The following TRIM44 variants were observed in gnomAD, a reference collection of about 807,000 sequenced individuals.
The protein encoded by TRIM44 is tripartite motif-containing protein 44.
TRIM44 carries 13 observed loss-of-function variants against 37.4 expected under a neutral mutation model. The observed-to-expected ratio is 0.35, with a 90% CI of 0.23 to 0.55. The LOEUF is 0.55. TRIM44 is among the 20% of genes least tolerant of loss of function. The pLI, the probability that TRIM44 is intolerant of heterozygous loss-of-function variation, is 0.89. For missense variants in TRIM44, 426 were observed against 437.2 expected, an observed-to-expected ratio of 0.97 and a Z score of 0.23; for synonymous variants, 175 against 157.2, an observed-to-expected ratio of 1.11 and a Z score of -0.85.
rs1851301945 is a variant in TRIM44, at chr11:35,663,670, A to G, written c.559A>G (p.Ser187Gly). 6.2e-7 allele frequency: 1 copy of G among 1,614,050 alleles called. No individual in the cohort carries two copies. The highest frequency in any genetic ancestry group is 1.1e-5 in the South Asian group (1 of 91,086). The part of the protein sequence containing the change: ...RKCPDHGLDL[S>G]TYCQEDRQLI... ...GTGTCCGGACCATGGGCTTGATTTG[A>G]GTACCTATTGCCAGGAAGATAGGCA... Residue 187 changes from serine (S) to glycine (G), a missense_variant, in exon 1 of 5, where the codon AGT (serine) becomes GGT (glycine). By Grantham distance (56) the Ser-to-Gly change is moderately conservative (BLOSUM62 0). This residue lies in a region of TRIM44 where 331 missense variants were observed against 303.0 expected (regional missense o/e 1.09). Coordinates refer to ENST00000299413, the MANE Select transcript of TRIM44 (RefSeq NM_017583.6).
At chr11:35,740,343 T>G (rs926151537) in intron 4 of TRIM44, among the ~76,000 whole-genome samples, 1 of 152,060 alleles carries the variant, frequency 6.6e-6, no homozygotes, top group Non-Finnish European at 1.5e-5. Flanking sequence ...AAAGCTGTTG[T>G]GTAGTGGTAG....
intron 1 of TRIM44, among the ~76,000 whole-genome samples, chr11:35,665,684 T>A (rs1054210546): frequency 3.6e-5 from 5 of 137,888 alleles, no homozygotes; most frequent in African/African-American, 1.1e-4. Context: ...AACCTGCGCC[T>A]CCCAGGTTCA....
chr11:35,768,352 T>C lies in TRIM44; in HGVS notation c.1007+32907T>C, dbSNP rs1026996470. On this transcript the variant is annotated intron_variant, in intron 4 of 4. Transcript: ENST00000299413. ...CACTTTGAAAATAAGTAAAAGAAGC[T>C]AAATAATTTGTTGAAGGTCACACAG... 2.0e-5 allele frequency among the ~76,000 whole-genome samples: 3 copies of C among 152,190 alleles called. No homozygotes were observed. In the South Asian group the frequency reaches 6.2e-4, roughly 32 times the overall value.
At chr11:35,672,250 T>G (rs1383548016) in intron 1 of TRIM44, among the ~76,000 whole-genome samples, 1 of 152,162 alleles carries the variant, frequency 6.6e-6, no homozygotes, top group Admixed American at 6.5e-5. Flanking sequence ...ACACATACCC[T>G]TTTAACTCAA....
chr11:35,688,670 A>G lies in TRIM44; in HGVS notation c.747+3334A>G, dbSNP rs192517920. On this transcript the variant is annotated intron_variant, in intron 2 of 4. Transcript: ENST00000299413. ...ATTTTATTCAAAACATTTGTCAGAC[A>G]TCTTCTTTTCTTCCAGACCCAGAGG... 6.4e-4 allele frequency among the ~76,000 whole-genome samples: 97 copies of G among 152,348 alleles called. 3 individuals carry two copies. The East Asian group carries it at 0.017, about 27-fold the overall frequency.
chr11:35,778,508 T>C (rs552116866), intron 4 of TRIM44, among the ~76,000 whole-genome samples: 1 of 152,296 alleles, frequency 6.6e-6, no homozygotes, highest in South Asian at 2.1e-4. Context: ...TGCTGGCAAG[T>C]AGCTGCGTTC....
At chr11:35,788,031 C>A (rs1420663049) in intron 4 of TRIM44, among the ~76,000 whole-genome samples, 2 of 152,338 alleles carry the variant, frequency 1.3e-5, no homozygotes, top group East Asian at 3.9e-4. Flanking sequence ...TAGGCTACTT[C>A]TAACTCACCT....
intron 2 of TRIM44, among the ~76,000 whole-genome samples, chr11:35,716,720 C>T (rs1284803787): frequency 6.6e-6 from 1 of 151,952 alleles, no homozygotes; most frequent in East Asian, 1.9e-4. Context: ...TAAATCATGG[C>T]GTCATTAAGG....
chr11:35,775,485 G>T (rs958302830), intron 4 of TRIM44, among the ~76,000 whole-genome samples: 1 of 152,132 alleles, frequency 6.6e-6, no homozygotes, highest in Admixed American at 6.5e-5. Context: ...TAATTGCCCT[G>T]GCCAGAACTT....
chr11:35,729,082 A>G (rs1852220542), intron 3 of TRIM44, among the ~76,000 whole-genome samples: 1 of 152,210 alleles, frequency 6.6e-6, no homozygotes, highest in African/African-American at 2.4e-5. Context: ...TTGAGAGGAT[A>G]CAAGGCAGTG....
chr11:35,728,178 T>C (rs1328768755), intron 3 of TRIM44, among the ~76,000 whole-genome samples: 1 of 152,084 alleles, frequency 6.6e-6, no homozygotes, highest in Admixed American at 6.6e-5. Flanking sequence ...ATAGAAAAAT[T>C]AGCTGGGTAT....
intron 2 of TRIM44, among the ~76,000 whole-genome samples, chr11:35,707,385 A>C (rs1170577680): frequency 6.6e-6 from 1 of 152,140 alleles, no homozygotes; most frequent in Admixed American, 6.5e-5. Flanking sequence ...GCTACCAATG[A>C]CTTTCTTCAC....
chr11:35,662,957 C>A lies in TRIM44; in HGVS notation c.-155C>A. 1 of 1,291,310 alleles carries A rather than the reference C, an allele frequency of 7.7e-7. No individual in the cohort carries two copies. The highest frequency in any genetic ancestry group is 1.0e-6 in the Non-Finnish European group (1 of 1,000,236). The allele number at this position is 1,291,310 out of a possible 1,614,324, so 80.0% of individuals were successfully genotyped here. ...TGCTGCTGCGCCCGGGCAGGGGCTG[C>A]CGCGGCCCCAGGTCCCGCTTCGAGA... On this transcript the variant is annotated 5_prime_UTR_variant, in exon 1 of 5. Transcript: ENST00000299413.
chr11:35,780,201 A>G (rs1448211865), intron 4 of TRIM44, among the ~76,000 whole-genome samples: 1 of 152,140 alleles, frequency 6.6e-6, no homozygotes, highest in Non-Finnish European at 1.5e-5. Flanking sequence ...GAGGAAGTAC[A>G]TGTGGCAGAA....
intron 4 of TRIM44, among the ~76,000 whole-genome samples, chr11:35,782,193 GGGGGGAATCCTAATCCAGCTGGGGTA>G (rs1304485648): frequency 6.6e-6 from 1 of 152,134 alleles, no homozygotes; most frequent in African/African-American, 2.4e-5. Context: ...TCCAGCGGGT[GGGGGGAATCCTAATCCAGCTGGGGTA>G]GGATCTTGGA....
At chr11:35,688,204 A>T (rs1028271086) in intron 2 of TRIM44, among the ~76,000 whole-genome samples, 2 of 152,148 alleles carry the variant, frequency 1.3e-5, no homozygotes, top group African/African-American at 4.8e-5. Flanking sequence ...GAGGCTTTAC[A>T]TAGAAGCACT....
In TRIM44 at chr11:35,811,264, A is replaced by G. The variant is rs747882479; in HGVS notation, c.*4879A>G. 26 of 152,190 alleles carry G rather than the reference A, an allele frequency of 1.7e-4. No individual in the cohort carries two copies. The highest frequency in any genetic ancestry group is 3.7e-4 in the Non-Finnish European group (25 of 68,034). The allele number at this position is 152,190 out of a possible 1,614,324, so 9.4% of individuals were successfully genotyped here. ...TTAAGATCATTATTATTTAGTGATA[A>G]GTTTTCTCCTCAAAGTAAAATGATC... is the stretch of plus-strand genomic sequence containing the variant. On this transcript the variant is annotated 3_prime_UTR_variant, in exon 5 of 5. Transcript: ENST00000299413.
intron 4 of TRIM44, among the ~76,000 whole-genome samples, chr11:35,774,703 AG>A (rs1266577076): frequency 1.2e-4 from 19 of 152,316 alleles, no homozygotes; most frequent in African/African-American, 4.3e-4. Context: ...TAGTTTTCCC[AG>A]CACCATTTAT....
At chr11:35,778,497 T>C (rs1853005264) in intron 4 of TRIM44, among the ~76,000 whole-genome samples, 1 of 152,194 alleles carries the variant, frequency 6.6e-6, no homozygotes, top group Admixed American at 6.5e-5. Context: ...CTTTGTTCTG[T>C]TGCTGGCAAG....
Sources: allele counts gnomAD v4.1 joint callset (sites outside exome capture counted in the v4.1 genomes callset), GRCh38; gene constraint gnomAD v4.1.1; regional missense constraint gnomAD v4.1.1; transcripts MANE v1.5; gene names NCBI Gene and HGNC (gene_info 2026-07-23, HGNC 2026-07-21).